Variants in SLC44A5 observed in about 807,000 individuals in gnomAD.
SLC44A5 encodes the protein choline transporter-like protein 5.
In SLC44A5, 57 loss-of-function variants were observed where a neutral mutation model predicts 101.8. The observed-to-expected ratio is 0.56, with a 90% CI of 0.45 to 0.70. SLC44A5 has a LOEUF of 0.70. Among genes scored for constraint, SLC44A5 ranks in the 30% least tolerant of loss-of-function variants. The pLI is 0.00. For synonymous variants in SLC44A5, 281 were observed against 290.9 expected (o/e 0.97, Z 0.35); for missense variants, 737 against 853.1 (o/e 0.86, Z 1.70).
chr1:75,646,298 T>G, the SLC44A5 span, among the ~76,000 whole-genome samples: 1 of 149,784 alleles, frequency 6.7e-6, no homozygotes, highest in African/African-American at 2.4e-5. Flanking sequence ...TGTATCCTCT[T>G]TTATTTCATT....
the SLC44A5 span, among the ~76,000 whole-genome samples, chr1:75,679,850 G>C: frequency 6.6e-6 from 1 of 152,132 alleles, no homozygotes; most frequent in South Asian, 2.1e-4. Flanking sequence ...CCATCAGTGT[G>C]CTGTATTCAG....
chr1:75,578,687 C>T (rs994807583), intron 1 of SLC44A5, among the ~76,000 whole-genome samples: 2 of 151,994 alleles, frequency 1.3e-5, no homozygotes, highest in Admixed American at 1.3e-4. Flanking sequence ...TTCAGTTAGA[C>T]AGGATAAACA....
In SLC44A5 at chr1:75,355,249, C is replaced by T. The variant is rs539201420; in HGVS notation, c.53-15619G>A. 1.9e-4 allele frequency among the ~76,000 whole-genome samples: 29 copies of T among 152,212 alleles called. No individual in the cohort carries two copies. In the East Asian group the frequency reaches 5.2e-3, roughly 27 times the overall value. Reference sequence around the variant, plus strand: ...GAGCTCTTAACTAATTTAAAAAATACTGTATAAAAATTATAAACTGTATTT... The same window carrying T: ...GAGCTCTTAACTAATTTAAAAAATATTGTATAAAAATTATAAACTGTATTT... On this transcript the variant is annotated intron_variant, in intron 3 of 23. Coordinates refer to ENST00000370859, the MANE Select transcript of SLC44A5 (RefSeq NM_001130058.2).
chr1:75,217,916 A>G lies in SLC44A5; in HGVS notation c.1574T>C (p.Leu525Ser). The G allele has an allele frequency of 1.2e-6, 2 of 1,606,172 alleles. No homozygotes were observed. The highest frequency in any genetic ancestry group is 8.5e-7 in the Non-Finnish European group (1 of 1,173,060). Residue 525 changes from leucine to serine, a missense_variant, in exon 18 of 24, where the codon TTA (leucine) becomes TCA (serine). Leu to Ser is a moderately radical substitution (Grantham distance 145). Coordinates refer to ENST00000370859, the MANE Select transcript of SLC44A5 (RefSeq NM_001130058.2). ...SLAFGSLIIALIQMFKIVLEY... is the reference protein window; with the variant it reads ...SLAFGSLIIASIQMFKIVLEY... ...TAGTACAATTTTAAACATTTGAATTAATGCAATAATTAAAGATCCAAATGC... is the reference window on the plus strand; with the variant it reads ...TAGTACAATTTTAAACATTTGAATTGATGCAATAATTAAAGATCCAAATGC...
chr1:75,257,322 G>A (rs1650095107), intron 6 of SLC44A5, among the ~76,000 whole-genome samples: 1 of 152,134 alleles, frequency 6.6e-6, no homozygotes, highest in African/African-American at 2.4e-5. Flanking sequence ...GCTTAAAAGG[G>A]AGGGACTTCA....
chr1:75,583,610 C>T (rs992844890), intron 1 of SLC44A5, among the ~76,000 whole-genome samples: 2 of 152,188 alleles, frequency 1.3e-5, no homozygotes, highest in African/African-American at 4.8e-5. Context: ...GAAGCAGAGA[C>T]CTATTATTAT....
the SLC44A5 span, among the ~76,000 whole-genome samples, chr1:75,661,402 A>AAAAAAAC: frequency 1.0e-4 from 15 of 149,034 alleles, no homozygotes; most frequent in African/African-American, 3.7e-4. Context: ...AAAAAAAAAA[A>AAAAAAAC]AAAAAAAAAA....
At chr1:75,322,700 T>C (rs1369014282) in intron 4 of SLC44A5, among the ~76,000 whole-genome samples, 8 of 152,070 alleles carry the variant, frequency 5.3e-5, no homozygotes, top group Non-Finnish European at 8.8e-5. Context: ...TCAGCTTGCT[T>C]CCTCACTCAG....
At chr1:75,466,655 TAAAAAA>T (rs754658767) in intron 2 of SLC44A5, among the ~76,000 whole-genome samples, 40 of 88,444 alleles carry the variant, frequency 4.5e-4, no homozygotes, top group Admixed American at 6.2e-4. Flanking sequence ...GATGCCATCT[TAAAAAA>T]AAAAAAAAAA....
At chr1:75,403,301 C>T (rs1662621250) in intron 2 of SLC44A5, among the ~76,000 whole-genome samples, 1 of 152,210 alleles carries the variant, frequency 6.6e-6, no homozygotes. Flanking sequence ...TGCCTGCTGG[C>T]TCTGAAGAGA....
intron 4 of SLC44A5, among the ~76,000 whole-genome samples, chr1:75,314,143 T>C (rs1655516755): frequency 6.6e-6 from 1 of 152,202 alleles, no homozygotes; most frequent in Non-Finnish European, 1.5e-5. Flanking sequence ...TGGTCTTTAT[T>C]GTTCTCCTCC....
the SLC44A5 span, among the ~76,000 whole-genome samples, chr1:75,723,067 T>C: frequency 3.3e-5 from 5 of 152,234 alleles, no homozygotes; most frequent in African/African-American, 1.2e-4. Flanking sequence ...TGTTCTCCTC[T>C]GTCTTTGCCT....
At chr1:75,251,363 C>A (rs1649559419) in intron 6 of SLC44A5, 69 bp from the exon 7 acceptor site, 2 of 1,280,804 alleles carry the variant, frequency 1.6e-6, no homozygotes, top group Non-Finnish European at 2.2e-6. Flanking sequence ...AGACCCTGAA[C>A]ACTTTTTATA....
At chr1:75,252,078 G>C (rs1312154886) in intron 6 of SLC44A5, among the ~76,000 whole-genome samples, 1 of 152,124 alleles carries the variant, frequency 6.6e-6, no homozygotes, top group Non-Finnish European at 1.5e-5. Flanking sequence ...AACCCGAAGT[G>C]TTTGTTCAAC....
At chr1:75,605,089 C>T (rs1675245472) in intron 1 of SLC44A5, among the ~76,000 whole-genome samples, 1 of 151,900 alleles carries the variant, frequency 6.6e-6, no homozygotes, top group Non-Finnish European at 1.5e-5. Context: ...GGGGATGCTT[C>T]CTAAAATGTC....
intron 5 of SLC44A5, among the ~76,000 whole-genome samples, chr1:75,293,839 C>A (rs1049222114): frequency 1.3e-5 from 2 of 152,118 alleles, no homozygotes; most frequent in African/African-American, 4.8e-5. Flanking sequence ...CAGTAAAAAA[C>A]TCACTCAATA....
chr1:75,698,194 G>C, the SLC44A5 span, among the ~76,000 whole-genome samples: 71 of 152,334 alleles, frequency 4.7e-4, no homozygotes, highest in Middle Eastern at 6.8e-3. Flanking sequence ...TCCACCTCTG[G>C]GGGCAGGGCA....
intron 2 of SLC44A5, among the ~76,000 whole-genome samples, chr1:75,497,184 C>T (rs1016825924): frequency 6.6e-6 from 1 of 152,038 alleles, no homozygotes; most frequent in Non-Finnish European, 1.5e-5. Context: ...TATCTGTGCT[C>T]CCATGTTCAT....
At chr1:75,240,184 C>A (rs1481724530) in intron 9 of SLC44A5, among the ~76,000 whole-genome samples, 1 of 152,028 alleles carries the variant, frequency 6.6e-6, no homozygotes, top group Non-Finnish European at 1.5e-5. Flanking sequence ...GAATTTCTTT[C>A]CAGTCTTTCT....
Sources: gnomAD v4.1 joint callset for allele counts (sites outside exome capture counted in the v4.1 genomes callset) on GRCh38, gnomAD v4.1.1 for gene constraint, MANE v1.5 for transcripts, NCBI Gene and HGNC (gene_info 2026-07-23, HGNC 2026-07-21) for gene names.